Variants in FOXP2 observed in about 807,000 individuals in gnomAD.
The protein encoded by FOXP2 is forkhead box P2, also known as forkhead box protein P2.
A neutral mutation model predicts 115.8 loss-of-function variants in FOXP2; 12 were observed. The observed-to-expected ratio is 0.10, with a 90% CI of 0.07 to 0.17. The LOEUF (loss-of-function observed/expected upper bound fraction) is 0.17, where lower values mean the gene tolerates loss of function less well. Ranked by LOEUF, FOXP2 falls within the 10% of genes least tolerant of loss-of-function variation. The probability of loss-of-function intolerance (pLI) is 1.00; values close to 1 mark genes in which losing one functional copy is unlikely to be tolerated. For synonymous variants in FOXP2, 328 were observed against 297.7 expected, an observed-to-expected ratio of 1.10 and a Z score of -1.05; for missense variants, 629 against 843.5, an observed-to-expected ratio of 0.75 and a Z score of 3.15.
At chr7:114,230,717 T>C (rs1262886535) in intron 1 of FOXP2, among the ~76,000 whole-genome samples, 2 of 151,912 alleles carry the variant, frequency 1.3e-5, no homozygotes, top group Admixed American at 6.6e-5. Context: ...AGAGGGAAAT[T>C]ACCTCAACAT....
At chr7:114,449,061 T>A (rs1794959102) in intron 2 of FOXP2, among the ~76,000 whole-genome samples, 1 of 152,082 alleles carries the variant, frequency 6.6e-6, no homozygotes, top group South Asian at 2.1e-4. Context: ...AAAATGTAAA[T>A]AATAATAGTA....
intron 16 of FOXP2, among the ~76,000 whole-genome samples, chr7:114,682,283 A>G (rs1554444307): frequency 1.3e-5 from 2 of 152,166 alleles, no homozygotes. Flanking sequence ...AATATTATAA[A>G]TGAGGTGCCT....
chr7:114,527,166 C>T (rs1020707780), intron 2 of FOXP2, among the ~76,000 whole-genome samples: 3 of 151,922 alleles, frequency 2.0e-5, no homozygotes, highest in East Asian at 1.9e-4. Flanking sequence ...GACAAATATT[C>T]TATTAAATAA....
chr7:114,128,375 C>T (rs1791778363), intron 1 of FOXP2, among the ~76,000 whole-genome samples: 1 of 151,850 alleles, frequency 6.6e-6, no homozygotes, highest in Non-Finnish European at 1.5e-5. Flanking sequence ...AGGTCACCAA[C>T]TCTTACCCTA....
intron 2 of FOXP2, among the ~76,000 whole-genome samples, chr7:114,449,259 G>A (rs1463058352): frequency 6.6e-6 from 1 of 151,822 alleles, no homozygotes; most frequent in African/African-American, 2.4e-5. Context: ...AAATATCAAG[G>A]TTAAGTATGG....
At chr7:114,292,316 T>C (rs75343736) in intron 2 of FOXP2, among the ~76,000 whole-genome samples, 25 of 152,212 alleles carry the variant, frequency 1.6e-4, no homozygotes, top group Middle Eastern at 3.4e-3. Flanking sequence ...AAGAATATTG[T>C]TGAAACATGT....
chr7:114,443,767 G>A (rs560121768), intron 2 of FOXP2, among the ~76,000 whole-genome samples: 2 of 152,106 alleles, frequency 1.3e-5, no homozygotes, highest in South Asian at 4.2e-4. Context: ...TCTTTTTAAG[G>A]CTGCATAGTA....
chr7:114,537,403 T>G (rs955754229), intron 3 of FOXP2, among the ~76,000 whole-genome samples: 3 of 151,610 alleles, frequency 2.0e-5, no homozygotes, highest in Admixed American at 2.0e-4. Context: ...TTTTGAAGTA[T>G]AGTTTTGATA....
intron 1 of FOXP2, among the ~76,000 whole-genome samples, chr7:114,250,913 G>A (rs940675457): frequency 1.3e-5 from 2 of 152,146 alleles, no homozygotes; most frequent in Non-Finnish European, 2.9e-5. Flanking sequence ...TTTTCTTCTA[G>A]GGTTTTTATG....
chr7:114,663,324 C>T, intron 14 of FOXP2, 126 bp from the exon 15 acceptor site: 1 of 680,294 alleles, frequency 1.5e-6, no homozygotes, highest in South Asian at 1.7e-5. Context: ...TTTTTGTGGC[C>T]TTATATACAT....
intron 2 of FOXP2, among the ~76,000 whole-genome samples, chr7:114,528,195 A>T (rs1321426877): frequency 6.6e-6 from 1 of 152,080 alleles, no homozygotes; most frequent in Admixed American, 6.6e-5. Flanking sequence ...TTCACTATAT[A>T]TAATCTCACA....
At chr7:114,440,733 C>A (rs562498727) in intron 2 of FOXP2, among the ~76,000 whole-genome samples, 1 of 152,256 alleles carries the variant, frequency 6.6e-6, no homozygotes, top group East Asian at 1.9e-4. Flanking sequence ...AATTTAGTAA[C>A]TTTGCCATAT....
At chr7:114,099,672 G>A (rs549072410) in intron 1 of FOXP2, among the ~76,000 whole-genome samples, 276 of 152,256 alleles carry the variant, frequency 1.8e-3, no homozygotes, top group Middle Eastern at 0.01. Flanking sequence ...TTTTCCTTTG[G>A]TTTCTGCGGA....
chr7:114,551,001 C>T (rs540254007), intron 3 of FOXP2, among the ~76,000 whole-genome samples: 1 of 151,988 alleles, frequency 6.6e-6, no homozygotes, highest in African/African-American at 2.4e-5. Context: ...TACCTTTTTG[C>T]TTGATATTCC....
At chr7:114,676,901 T>C (rs533912190) in intron 16 of FOXP2, among the ~76,000 whole-genome samples, 68 of 152,290 alleles carry the variant, frequency 4.5e-4, no homozygotes, top group African/African-American at 1.6e-3. Flanking sequence ...ATATGAGTCA[T>C]AAATTTTAAG....
At chr7:114,494,884 A>G (rs924369774) in intron 2 of FOXP2, among the ~76,000 whole-genome samples, 3 of 152,178 alleles carry the variant, frequency 2.0e-5, no homozygotes, top group African/African-American at 7.2e-5. Flanking sequence ...GCCATTTAAC[A>G]AAGGCCATAT....
intron 8 of FOXP2, among the ~76,000 whole-genome samples, chr7:114,647,824 A>C (rs1805998871): frequency 6.6e-6 from 1 of 152,068 alleles, no homozygotes; most frequent in African/African-American, 2.4e-5. Context: ...AGCTTAAGCC[A>C]AAAGGTTTAC....
intron 3 of FOXP2, among the ~76,000 whole-genome samples, chr7:114,603,042 A>T (rs1803118264): frequency 6.6e-6 from 1 of 152,172 alleles, no homozygotes; most frequent in Admixed American, 6.6e-5. Context: ...GGCGTTAATT[A>T]GTGGGCCAGT....
chr7:114,250,423 G>T (rs931107221), intron 1 of FOXP2, among the ~76,000 whole-genome samples: 1 of 152,130 alleles, frequency 6.6e-6, no homozygotes, highest in Non-Finnish European at 1.5e-5. Context: ...CAGTATAAAA[G>T]TATTCCTGTT....
Sources: gnomAD v4.1 joint callset for allele counts (sites outside exome capture counted in the v4.1 genomes callset) on GRCh38, gnomAD v4.1.1 for gene constraint, MANE v1.5 for transcripts, NCBI Gene and HGNC (gene_info 2026-07-23, HGNC 2026-07-21) for gene names.